The following RASSF4 variants were observed in gnomAD, a reference collection of about 807,000 sequenced individuals.
The protein encoded by RASSF4 is Ras association domain family member 4.
RASSF4 carries 38 observed loss-of-function variants against 41.1 expected under a neutral mutation model. The observed-to-expected ratio is 0.92, with a 90% CI of 0.71 to 1.21. The LOEUF (loss-of-function observed/expected upper bound fraction) is 1.21, where lower values mean the gene tolerates loss of function less well. Among genes scored for constraint, RASSF4 ranks in the 50% most tolerant of loss-of-function variants. RASSF4 has a pLI of 0.00. For missense variants in RASSF4, 414 were observed against 419.4 expected (o/e 0.99, Z 0.11); for synonymous variants, 179 against 163.4 (o/e 1.10, Z -0.73).
chr10:44,975,597 AC>A (rs1479079640), intron 3 of RASSF4, among the ~76,000 whole-genome samples: 5 of 67,326 alleles, frequency 7.4e-5, no homozygotes, highest in Non-Finnish European at 1.4e-4. Flanking sequence ...CCCCACCCCC[AC>A]CCCAGTGGCA....
chr10:44,961,791 C>T (rs114557383), intron 1 of RASSF4, among the ~76,000 whole-genome samples: 1 of 152,234 alleles, frequency 6.6e-6, no homozygotes, highest in Admixed American at 6.5e-5. Context: ...CAGGCAGTCA[C>T]AGAGCAGAGC....
chr10:44,991,924 T>A lies in RASSF4; in HGVS notation c.827T>A (p.Phe276Tyr). The A allele has an allele frequency of 1.2e-6, 2 of 1,613,036 alleles. No homozygotes were observed. Among genetic ancestry groups the A allele is most frequent in the Non-Finnish European group, 1.7e-6 (2 of 1,179,046 alleles). ...TTCTAGGTCGCTCAGTACATTAAGT[T>A]TGAAATGCCGGTGCTGGACAGTTTT... The part of the protein sequence containing the change: ...VPHEVAQYIK[F>Y]EMPVLDSFVE... Residue 276 changes from phenylalanine to tyrosine, a missense_variant, in exon 10 of 11, where the codon TTT becomes TAT. Transcript: ENST00000340258.
intron 3 of RASSF4, among the ~76,000 whole-genome samples, chr10:44,973,296 C>T (rs1345620356): frequency 1.3e-5 from 2 of 152,156 alleles, no homozygotes; most frequent in Non-Finnish European, 2.9e-5. Context: ...CAGGTGTAGG[C>T]CTGGAGAGAG....
chr10:44,970,896 C>T (rs1014558663), intron 2 of RASSF4: 2 of 155,756 alleles, frequency 1.3e-5, no homozygotes, highest in Middle Eastern at 3.4e-3. Context: ...GACCAGACCT[C>T]GTGTGAACTC....
At position 44,993,250 on chromosome 10, in the gene RASSF4, T is replaced by G; in HGVS notation, c.906-19T>G. The G allele has an allele frequency of 6.2e-7, 1 of 1,609,486 alleles. No homozygotes were observed. The highest frequency in any genetic ancestry group is 1.7e-4 in the Middle Eastern group (1 of 6,032). The stretch of plus-strand genomic sequence containing the variant: ...CCTGTCTGGCCTCAGTGAGTCCTCT[T>G]GGCGATGTCTCCCTCCAGGTTCCAA... On this transcript the variant is annotated intron_variant, in intron 10 of 10. Coordinates refer to ENST00000340258, the MANE Select transcript of RASSF4 (RefSeq NM_032023.4).
intron 3 of RASSF4, among the ~76,000 whole-genome samples, chr10:44,975,193 G>A (rs755104447): frequency 2.9e-4 from 44 of 152,120 alleles, no homozygotes; most frequent in Non-Finnish European, 7.4e-5. Flanking sequence ...GAGAGAAACG[G>A]AAGGGGCTTC....
At position 44,960,429 on chromosome 10, in the gene RASSF4, C is replaced by G. The variant is rs569214329; in HGVS notation, c.-39+563C>G. 3.9e-5 allele frequency among the ~76,000 whole-genome samples: 6 copies of G among 152,314 alleles called. No individual in the cohort carries two copies. The East Asian group carries it at 1.2e-3, about 29-fold the overall frequency. On this transcript the variant is annotated intron_variant, in intron 1 of 10. Coordinates refer to ENST00000340258, the MANE Select transcript of RASSF4 (RefSeq NM_032023.4). ...GAGTTATAAAATTGTCCACCTTTAC[C>G]GGATGAGTTGGTGATGGAGCCAGGA...
rs543081541 is a variant in RASSF4, at chr10:44,977,514, A to G, written c.139-5007A>G. 1.9e-6 allele frequency: 3 copies of G among 1,613,408 alleles called. No homozygotes were observed. The South Asian group carries it at 3.3e-5, about 18-fold the overall frequency. On this transcript the variant is annotated intron_variant, in intron 3 of 10. Transcript: ENST00000340258. Reference sequence around the variant, plus strand: ...CCAAAAGTCCAGCTTCTTAGGTCAGAGCTCTGCTGCCCATCCTGCGGTGGT... The same window carrying G: ...CCAAAAGTCCAGCTTCTTAGGTCAGGGCTCTGCTGCCCATCCTGCGGTGGT...
intron 3 of RASSF4, chr10:44,977,410 C>G: frequency 6.3e-7 from 1 of 1,588,610 alleles, no homozygotes; most frequent in Non-Finnish European, 8.6e-7. Context: ...CATGGATCAC[C>G]GGGAGGTGCG....
chr10:44,984,264 G>T (rs905997559), intron 5 of RASSF4, 151 bp downstream of exon 5: 3 of 708,556 alleles, frequency 4.2e-6, no homozygotes, highest in Non-Finnish European at 6.9e-6. Flanking sequence ...GTGCCTGCCT[G>T]TGAGGTGCTC....
At chr10:44,989,427 C>A in intron 7 of RASSF4, 52 bp downstream of exon 7, 1 of 1,332,264 alleles carries the variant, frequency 7.5e-7, no homozygotes, top group Non-Finnish European at 1.1e-6. Flanking sequence ...GTCTGCTATT[C>A]TGTTGGGGGT....
chr10:44,988,803 A>G (rs919314169), intron 6 of RASSF4, among the ~76,000 whole-genome samples: 3 of 152,192 alleles, frequency 2.0e-5, no homozygotes, highest in African/African-American at 4.8e-5. Flanking sequence ...GGTGCAGACT[A>G]CGGATTAGAG....
chr10:44,992,225 C>G (rs750150355), intron 10 of RASSF4, among the ~76,000 whole-genome samples: 1 of 152,236 alleles, frequency 6.6e-6, no homozygotes, highest in African/African-American at 2.4e-5. Flanking sequence ...GACACAGCCC[C>G]GATCACCCAT....
chr10:44,989,411 C>T (rs1294953681), intron 7 of RASSF4, 36 bp downstream of exon 7: 2 of 1,432,514 alleles, frequency 1.4e-6, no homozygotes, highest in Non-Finnish European at 2.0e-6. Context: ...CCCCAGGATG[C>T]CAGTGGTCTG....
chr10:44,987,272 TA>T (rs1841952942), intron 6 of RASSF4, among the ~76,000 whole-genome samples: 1 of 152,134 alleles, frequency 6.6e-6, no homozygotes, highest in Non-Finnish European at 1.5e-5. Flanking sequence ...CTAATTTTTG[TA>T]TTTTTTGTAG....
intron 4 of RASSF4, chr10:44,983,102 A>G (rs895360324): frequency 7.6e-6 from 3 of 396,412 alleles, no homozygotes; most frequent in African/African-American, 2.1e-5. Flanking sequence ...TTTGTTTAAT[A>G]TCAGAATAAT....
At chr10:44,975,220 C>T (rs1841360022) in intron 3 of RASSF4, among the ~76,000 whole-genome samples, 1 of 152,220 alleles carries the variant, frequency 6.6e-6, no homozygotes, top group Admixed American at 6.5e-5. Context: ...TCCGGGGGCT[C>T]CGTCTCTCCC....
chr10:44,989,348 G>T lies in RASSF4; in HGVS notation c.606G>T (p.Val202=), dbSNP rs772714963. The change falls in exon 7 of 11, where the codon GTG becomes GTT. Residue 202 remains valine, a synonymous_variant. Transcript: ENST00000340258. ...ACAGCACCATGACAACCCTGCAGGT[G>T]CTCACCCTGCTGCTGAACAAATTTA... ...RVNSTMTTLQ[V]LTLLLNKFRV... is the part of the protein sequence containing the mutation. 1 of 1,613,080 alleles carries T rather than the reference G, an allele frequency of 6.2e-7. No individual in the cohort carries two copies. The highest frequency in any genetic ancestry group is 8.5e-7 in the Non-Finnish European group (1 of 1,179,168).
rs1003475341 is a variant in RASSF4 at position 44,984,500 on chromosome 10, G to T, written c.374-313G>T. On this transcript the variant is annotated intron_variant, in intron 5 of 10. Coordinates refer to ENST00000340258, the MANE Select transcript of RASSF4 (RefSeq NM_032023.4). The stretch of plus-strand genomic sequence containing the variant: ...TTTATTCCCCTTCCTTTAGCCCTCA[G>T]TGAAGGGCCTGTTTCAGAGCAGGGG... 2.6e-5 allele frequency: 13 copies of T among 502,894 alleles called. No individual in the cohort carries two copies. In the South Asian group the frequency reaches 3.6e-4, roughly 14 times the overall value. The allele number at this position is 502,894 out of a possible 1,614,324, so 31.2% of individuals were successfully genotyped here.
Sources: gnomAD v4.1 joint callset for allele counts (sites outside exome capture counted in the v4.1 genomes callset) on GRCh38, gnomAD v4.1.1 for gene constraint, MANE v1.5 for transcripts, NCBI Gene and HGNC (gene_info 2026-07-23, HGNC 2026-07-21) for gene names.